Variants in HECTD2 observed in about 807,000 individuals in gnomAD.
The protein encoded by HECTD2 is HECT domain E3 ubiquitin protein ligase 2, also known as probable E3 ubiquitin-protein ligase HECTD2.
Under a neutral mutation model 103.2 loss-of-function variants are expected in HECTD2, and 35 were observed. The ratio of observed to expected loss-of-function variants is 0.34; its 90% CI spans 0.26 to 0.45. The LOEUF (loss-of-function observed/expected upper bound fraction) is 0.45, where lower values mean the gene tolerates loss of function less well. Ranked by LOEUF, HECTD2 falls within the 20% of genes least tolerant of loss-of-function variation. HECTD2 has a pLI of 1.00. For missense variants in HECTD2, 596 were observed against 937.4 expected (o/e 0.64, Z 4.76); for synonymous variants, 281 against 329.9 (o/e 0.85, Z 1.61).
intron 2 of HECTD2, among the ~76,000 whole-genome samples, chr10:91,443,583 C>G (rs1007234825): frequency 3.9e-5 from 6 of 152,198 alleles, no homozygotes; most frequent in African/African-American, 9.7e-5. Context: ...AGGAGGCAGT[C>G]TGTCCCTTAG....
At chr10:91,473,216 A>T (rs1845790008) in intron 5 of HECTD2, among the ~76,000 whole-genome samples, 1 of 152,228 alleles carries the variant, frequency 6.6e-6, no homozygotes, top group African/African-American at 2.4e-5. Flanking sequence ...AAGTAATCAA[A>T]GGGAAAAGAC....
intron 2 of HECTD2, among the ~76,000 whole-genome samples, chr10:91,438,090 CT>C (rs557344747): frequency 2.7e-4 from 40 of 146,470 alleles, no homozygotes; most frequent in African/African-American, 3.2e-4. Flanking sequence ...CTTAAGCCAT[CT>C]TTTTTTTTTT....
intron 5 of HECTD2, chr10:91,463,748 C>A (rs1845437202): frequency 6.6e-6 from 1 of 152,128 alleles, no homozygotes. Flanking sequence ...AATAACATTA[C>A]ACATCCATCA....
At chr10:91,479,290 T>C (rs975199837) in intron 6 of HECTD2, among the ~76,000 whole-genome samples, 2 of 152,190 alleles carry the variant, frequency 1.3e-5, no homozygotes, top group African/African-American at 4.8e-5. Flanking sequence ...CTGGATTTGC[T>C]TGGACACTAC....
At chr10:91,414,111 G>T (rs1300615574) in intron 1 of HECTD2, among the ~76,000 whole-genome samples, 1 of 152,150 alleles carries the variant, frequency 6.6e-6, no homozygotes, top group East Asian at 1.9e-4. Context: ...GAATTTGACT[G>T]GCTACTTCTA....
At chr10:91,423,207 T>C (rs1217535357) in intron 1 of HECTD2, among the ~76,000 whole-genome samples, 1 of 152,164 alleles carries the variant, frequency 6.6e-6, no homozygotes, top group East Asian at 1.9e-4. Flanking sequence ...AATATAAGTG[T>C]TAAGAATACA....
chr10:91,508,724 C>T (rs1341760560), intron 20 of HECTD2, among the ~76,000 whole-genome samples: 2 of 150,120 alleles, frequency 1.3e-5, no homozygotes, highest in South Asian at 2.1e-4. Context: ...GGCGATTCCT[C>T]AGGGATCTAG....
chr10:91,485,129 G>C (rs1328058399), intron 9 of HECTD2, 51 bp from the exon 10 acceptor site: 3 of 1,279,746 alleles, frequency 2.3e-6, no homozygotes, highest in Non-Finnish European at 3.2e-6. Flanking sequence ...TTATTAGAAT[G>C]AATCTTGTAC....
intron 20 of HECTD2, among the ~76,000 whole-genome samples, chr10:91,505,463 G>A (rs894508165): frequency 6.4e-4 from 97 of 151,678 alleles, no homozygotes; most frequent in African/African-American, 2.2e-3. Flanking sequence ...AAAAGGCAGG[G>A]GTTGCAATCC....
intron 20 of HECTD2, among the ~76,000 whole-genome samples, chr10:91,505,136 A>G (rs1216531520): frequency 2.0e-5 from 3 of 152,082 alleles, no homozygotes; most frequent in Non-Finnish European, 4.4e-5. Context: ...TAAACATGGA[A>G]AGGAACAACC....
intron 2 of HECTD2, among the ~76,000 whole-genome samples, chr10:91,429,678 A>T (rs952440956): frequency 7.4e-4 from 113 of 152,090 alleles, no homozygotes; most frequent in Non-Finnish European, 1.5e-3. Flanking sequence ...AGGTGTTTGT[A>T]GTATTCTCTG....
At chr10:91,476,779 GGCACCTGCCTGCCCTGTGA>G (rs1845918181) in intron 5 of HECTD2, among the ~76,000 whole-genome samples, 1 of 152,182 alleles carries the variant, frequency 6.6e-6, no homozygotes, top group Non-Finnish European at 1.5e-5. Context: ...AAGTTCTGTG[GGCACCTGCCTGCCCTGTGA>G]GCACCTGTGA....
chr10:91,437,619 C>CTTTTTTTTTTTTTTTTTTTGGTTTTTT (rs1844179816), intron 2 of HECTD2, among the ~76,000 whole-genome samples: 12 of 87,304 alleles, frequency 1.4e-4, no homozygotes, highest in Middle Eastern at 7.0e-3. Flanking sequence ...GATGGTTGTT[C>CTTTTTTTTTTTTTTTTTTTGGTTTTTT]TTTTTTTTTT....
At chr10:91,503,446 G>A (rs1238451409) in intron 20 of HECTD2, among the ~76,000 whole-genome samples, 5 of 152,186 alleles carry the variant, frequency 3.3e-5, no homozygotes, top group Non-Finnish European at 5.9e-5. Context: ...GAAGCAGGGC[G>A]AGGCATTGCC....
chr10:91,439,298 T>A (rs1844283915), intron 2 of HECTD2, among the ~76,000 whole-genome samples: 1 of 152,204 alleles, frequency 6.6e-6, no homozygotes, highest in Non-Finnish European at 1.5e-5. Flanking sequence ...TGCATATGGC[T>A]AGCCAGTTTT....
intron 2 of HECTD2, among the ~76,000 whole-genome samples, chr10:91,456,511 G>A (rs1845100963): frequency 6.6e-6 from 1 of 152,164 alleles, no homozygotes; most frequent in Admixed American, 6.5e-5. Context: ...ATACAATCAT[G>A]TCATCTGCAA....
At chr10:91,488,216 G>A (rs1420789891) in intron 11 of HECTD2, 2 of 153,536 alleles carry the variant, frequency 1.3e-5, no homozygotes, top group Non-Finnish European at 2.9e-5. Flanking sequence ...GTAACAAAAA[G>A]TGTGTCTTGG....
intron 20 of HECTD2, among the ~76,000 whole-genome samples, chr10:91,509,355 T>C (rs1471070782): frequency 1.3e-5 from 2 of 152,152 alleles, no homozygotes; most frequent in African/African-American, 2.4e-5. Flanking sequence ...GCTTATACAC[T>C]GCTGGTGGGA....
chr10:91,432,272 TG>T (rs1481424685), intron 2 of HECTD2, among the ~76,000 whole-genome samples: 2 of 152,106 alleles, frequency 1.3e-5, no homozygotes, highest in African/African-American at 4.8e-5. Context: ...GTAGGACCTA[TG>T]CTGGGTATTC....
Sources: gnomAD v4.1 joint callset for allele counts (sites outside exome capture counted in the v4.1 genomes callset) on GRCh38, gnomAD v4.1.1 for gene constraint, MANE v1.5 for transcripts, NCBI Gene and HGNC (gene_info 2026-07-23, HGNC 2026-07-21) for gene names.